Variants in VPS13B observed in about 807,000 individuals in gnomAD.
The protein encoded by VPS13B is vacuolar protein sorting 13 homolog B.
In VPS13B, 285 loss-of-function variants were observed where a neutral mutation model predicts 426.4. That is an observed-to-expected ratio of 0.67 (90% confidence interval 0.61 to 0.74). The LOEUF (loss-of-function observed/expected upper bound fraction) is 0.74. Among genes scored for constraint, VPS13B ranks in the 30% least tolerant of loss-of-function variants. The probability of loss-of-function intolerance (pLI) is 0.00; values close to 1 mark genes in which losing one functional copy is unlikely to be tolerated. For synonymous variants in VPS13B, 1,676 were observed against 1,676.4 expected (o/e 1.00, Z 0.01); for missense variants, 4,537 against 4,782.6 (o/e 0.95, Z 1.51).
At chr8:99,487,506 A>T (rs2133570819) in intron 25 of VPS13B, among the ~76,000 whole-genome samples, 1 of 152,278 alleles carries the variant, frequency 6.6e-6, no homozygotes, top group Non-Finnish European at 1.5e-5. Context: ...ATTTAGTGGC[A>T]TTAGGCACAC....
At chr8:99,604,146 T>G (rs1299335700) in intron 33 of VPS13B, among the ~76,000 whole-genome samples, 1 of 152,138 alleles carries the variant, frequency 6.6e-6, no homozygotes, top group Non-Finnish European at 1.5e-5. Flanking sequence ...GCTTAAGAGT[T>G]TACTAATTTT....
chr8:99,080,873 ATCT>A (rs1845413422), intron 3 of VPS13B, among the ~76,000 whole-genome samples: 2 of 152,072 alleles, frequency 1.3e-5, no homozygotes, highest in Admixed American at 6.5e-5. Flanking sequence ...CTATTTCACC[ATCT>A]TCTTCTTGTC....
At chr8:99,515,390 C>T (rs1023533530) in intron 29 of VPS13B, among the ~76,000 whole-genome samples, 9 of 151,692 alleles carry the variant, frequency 5.9e-5, no homozygotes, top group African/African-American at 2.2e-4. Context: ...GCTGCTGCTG[C>T]TGCTTCTGCT....
At chr8:99,769,381 T>A (rs1811374791) in intron 40 of VPS13B, among the ~76,000 whole-genome samples, 1 of 152,328 alleles carries the variant, frequency 6.6e-6, no homozygotes, top group East Asian at 1.9e-4. Flanking sequence ...TGTCAATATT[T>A]CATGCAGACA....
chr8:99,144,019 T>C (rs1254227816), intron 13 of VPS13B, among the ~76,000 whole-genome samples: 3 of 152,134 alleles, frequency 2.0e-5, no homozygotes, highest in African/African-American at 7.2e-5. Flanking sequence ...TTTTCTTCTC[T>C]TCTTTCTTCT....
At chr8:99,555,561 C>T (rs1313753635) in intron 30 of VPS13B, among the ~76,000 whole-genome samples, 2 of 151,890 alleles carry the variant, frequency 1.3e-5, no homozygotes, top group African/African-American at 2.4e-5. Flanking sequence ...TTCTTTTGAT[C>T]ATCTACTTTA....
At chr8:99,725,099 C>T (rs1173865898) in intron 39 of VPS13B, among the ~76,000 whole-genome samples, 1 of 152,196 alleles carries the variant, frequency 6.6e-6, no homozygotes, top group Non-Finnish European at 1.5e-5. Flanking sequence ...TCCTAGATGC[C>T]ATGTTCAAAC....
chr8:99,705,968 C>T (rs748137190), intron 36 of VPS13B, among the ~76,000 whole-genome samples: 4 of 152,188 alleles, frequency 2.6e-5, no homozygotes, highest in Middle Eastern at 3.4e-3. Flanking sequence ...CCCAGCCTTT[C>T]GTAGAGGGAG....
At chr8:99,393,713 A>G (rs1178461603) in intron 21 of VPS13B, among the ~76,000 whole-genome samples, 1 of 152,132 alleles carries the variant, frequency 6.6e-6, no homozygotes, top group African/African-American at 2.4e-5. Flanking sequence ...CTTGAGTATA[A>G]CATTTATTGT....
At chr8:99,370,637 T>G in intron 19 of VPS13B, among the ~76,000 whole-genome samples, 1 of 129,788 alleles carries the variant, frequency 7.7e-6, no homozygotes, top group African/African-American at 3.0e-5. Flanking sequence ...TGAGATGGAG[T>G]CTCACTCTGT....
intron 17 of VPS13B, among the ~76,000 whole-genome samples, chr8:99,265,442 A>G (rs1247230691): frequency 1.3e-5 from 2 of 152,180 alleles, no homozygotes; most frequent in African/African-American, 4.8e-5. Flanking sequence ...TACTTAGTAA[A>G]GGAAGGGTAG....
intron 57 of VPS13B, 66 bp downstream of exon 57, chr8:99,859,546 G>A (rs1816725074): frequency 6.4e-7 from 1 of 1,574,006 alleles, no homozygotes; most frequent in East Asian, 2.3e-5. Context: ...TTTAAAGAAT[G>A]TGCTAAAGTT....
At chr8:99,151,933 C>G (rs1811101801) in intron 14 of VPS13B, among the ~76,000 whole-genome samples, 1 of 152,124 alleles carries the variant, frequency 6.6e-6, no homozygotes, top group African/African-American at 2.4e-5. Context: ...TTCTCTTACA[C>G]TTTTTCTTAG....
At chr8:99,028,353 A>C (rs1422825858) in intron 2 of VPS13B, among the ~76,000 whole-genome samples, 13 of 121,106 alleles carry the variant, frequency 1.1e-4, no homozygotes, top group South Asian at 2.7e-4. Flanking sequence ...TGACCCCCCC[A>C]CCTCCCTCCC....
At chr8:99,362,139 CTTTT>C (rs71273181) in intron 19 of VPS13B, among the ~76,000 whole-genome samples, 2 of 119,754 alleles carry the variant, frequency 1.7e-5, no homozygotes, top group Non-Finnish European at 3.5e-5. Flanking sequence ...TTTAATTTGT[CTTTT>C]TTTTTTTTTT....
At chr8:99,858,049 G>A (rs1408180144) in intron 56 of VPS13B, among the ~76,000 whole-genome samples, 3 of 152,274 alleles carry the variant, frequency 2.0e-5, no homozygotes, top group Non-Finnish European at 4.4e-5. Context: ...CCCTCAGATC[G>A]CTGAGCTGAG....
intron 16 of VPS13B, among the ~76,000 whole-genome samples, chr8:99,181,882 A>C (rs1812964245): frequency 2.6e-5 from 4 of 152,174 alleles, no homozygotes; most frequent in African/African-American, 4.8e-5. Context: ...AAAAAGATGC[A>C]CAAAACATCT....
chr8:99,427,564 G>C (rs1286380174), intron 21 of VPS13B, among the ~76,000 whole-genome samples: 2 of 151,920 alleles, frequency 1.3e-5, no homozygotes, highest in Non-Finnish European at 1.5e-5. Flanking sequence ...AAATACCTGG[G>C]AATCCAACTT....
intron 12 of VPS13B, among the ~76,000 whole-genome samples, chr8:99,142,002 G>A (rs1810453994): frequency 6.6e-6 from 1 of 151,948 alleles, no homozygotes; most frequent in Non-Finnish European, 1.5e-5. Context: ...TCAGTGAGCC[G>A]AGATCACGCC....
Sources: gnomAD v4.1 joint callset for allele counts (sites outside exome capture counted in the v4.1 genomes callset) on GRCh38, gnomAD v4.1.1 for gene constraint, MANE v1.5 for transcripts, NCBI Gene and HGNC (gene_info 2026-07-23, HGNC 2026-07-21) for gene names.